FADS6: variants seen among roughly 807,000 people sequenced by gnomAD.
FADS6 encodes the protein fatty acid desaturase domain family, member 6.
Under a neutral mutation model 31.7 loss-of-function variants are expected in FADS6, and 28 were observed. That is an observed-to-expected ratio of 0.88 (90% confidence interval 0.66 to 1.21). The LOEUF (loss-of-function observed/expected upper bound fraction) is 1.21. FADS6 is among the 50% of genes most tolerant of loss of function. The pLI, the probability that FADS6 is intolerant of heterozygous loss-of-function variation, is 0.00. For missense variants in FADS6, 494 were observed against 504.2 expected, an observed-to-expected ratio of 0.98 and a Z score of 0.19; for synonymous variants, 191 against 213.1, an observed-to-expected ratio of 0.90 and a Z score of 0.90.
chr17:74,892,713 C>T, intron 1 of FADS6, 24 bp from the exon 2 acceptor site: 3 of 1,596,014 alleles, frequency 1.9e-6, no homozygotes, highest in East Asian at 2.3e-5. Flanking sequence ...AGGAAGAAGA[C>T]GGGTCTTTCT....
intron 2 of FADS6, 22 bp from the exon 3 acceptor site, chr17:74,882,732 G>T (rs1227182198): frequency 1.9e-6 from 3 of 1,599,472 alleles, no homozygotes; most frequent in South Asian, 2.3e-5. Flanking sequence ...AACCAGAAAT[G>T]ACACTGGGGT....
At chr17:74,883,475 G>A (rs886198035) in intron 2 of FADS6, among the ~76,000 whole-genome samples, 1 of 152,122 alleles carries the variant, frequency 6.6e-6, no homozygotes, top group African/African-American at 2.4e-5. Flanking sequence ...TTTCTGGAAC[G>A]ACGTGAAAAG....
downstream of FADS6, among the ~76,000 whole-genome samples, chr17:74,874,838 T>A (rs2038494445): frequency 6.6e-6 from 1 of 152,252 alleles, no homozygotes; most frequent in South Asian, 2.1e-4. Flanking sequence ...CTTCTTTACA[T>A]ATTGTCTATG....
chr17:74,892,490 C>T, intron 2 of FADS6, 33 bp downstream of exon 2: 3 of 1,596,838 alleles, frequency 1.9e-6, no homozygotes, highest in Non-Finnish European at 2.6e-6. Flanking sequence ...ACGGTCCCAG[C>T]AGCTGCCTGC....
At chr17:74,878,556 C>T in intron 5 of FADS6, 79 bp from the exon 6 acceptor site, 3 of 1,519,782 alleles carry the variant, frequency 2.0e-6, no homozygotes, top group Non-Finnish European at 2.7e-6. Flanking sequence ...GAGGGAGGGA[C>T]ATCATCTTCC....
At chr17:74,876,858 C>A (rs1371910722), downstream of FADS6, among the ~76,000 whole-genome samples, 1 of 151,978 alleles carries the variant, frequency 6.6e-6, no homozygotes, top group Non-Finnish European at 1.5e-5. Context: ...ATGGGTCTGG[C>A]CTCCTTCTCT....
chr17:74,888,553 C>G (rs949599819), intron 2 of FADS6, among the ~76,000 whole-genome samples: 1 of 152,116 alleles, frequency 6.6e-6, no homozygotes, highest in Admixed American at 6.5e-5. Context: ...GTTCCTGGCC[C>G]TGTTTCCACC....
rs115086456 is a variant in FADS6, at chr17:74,890,135, C to T, written c.411+2388G>A. On this transcript the variant is annotated intron_variant, in intron 2 of 5. Coordinates refer to ENST00000612771, the MANE Select transcript of FADS6 (RefSeq NM_178128.6). ...GTAACTTGCTCAAGGTCAGGGCAGCCAGTGGGGCTGGGAGTTCAACCATGG... is the reference window on the plus strand; with the variant it reads ...GTAACTTGCTCAAGGTCAGGGCAGCTAGTGGGGCTGGGAGTTCAACCATGG... 1.6e-3 allele frequency among the ~76,000 whole-genome samples: 245 copies of T among 152,276 alleles called. 3 individuals are homozygous for T. Among genetic ancestry groups the T allele is most frequent in the African/African-American group, 5.7e-3 (237 of 41,546 alleles).
rs1359379650 is a variant in FADS6, at chr17:74,880,703, C to A, written c.780+365G>T. On this transcript the variant is annotated intron_variant, in intron 4 of 5. Coordinates refer to ENST00000612771, the MANE Select transcript of FADS6 (RefSeq NM_178128.6). ...AATGATCCTCAGAGCAGGGGGTGGT[C>A]GGGAGGGGACCACTTACCACAACTG... Among the ~76,000 whole-genome samples the A allele has an allele frequency of 3.3e-5, 5 of 152,066 alleles. No homozygotes were observed. The East Asian group carries it at 9.7e-4, about 29-fold the overall frequency.
chr17:74,888,693 A>G (rs1005820945), intron 2 of FADS6, among the ~76,000 whole-genome samples: 1 of 152,224 alleles, frequency 6.6e-6, no homozygotes, highest in Admixed American at 6.5e-5. Context: ...GAGGATTTGA[A>G]GCGGAGACAC....
intron 2 of FADS6, among the ~76,000 whole-genome samples, chr17:74,883,166 G>A (rs1272870160): frequency 1.3e-5 from 2 of 152,234 alleles, no homozygotes; most frequent in African/African-American, 4.8e-5. Context: ...TGGTCTGAGA[G>A]AGCAGGGACA....
At chr17:74,888,184 T>C (rs1169020550) in intron 2 of FADS6, among the ~76,000 whole-genome samples, 5 of 149,236 alleles carry the variant, frequency 3.4e-5, no homozygotes, top group African/African-American at 9.8e-5. Flanking sequence ...AGAGTACCAA[T>C]GTCCGTTTCC....
intron 4 of FADS6, among the ~76,000 whole-genome samples, chr17:74,880,692 C>A (rs1266751968): frequency 2.6e-5 from 4 of 152,144 alleles, no homozygotes; most frequent in African/African-American, 9.7e-5. Context: ...ATCCTCAGAG[C>A]AGGGGGTGGT....
intron 2 of FADS6, 66 bp from the exon 3 acceptor site, chr17:74,882,776 T>C: frequency 6.4e-7 from 1 of 1,552,228 alleles, no homozygotes. Flanking sequence ...TGCAGGACCT[T>C]TGAGAGCCCG....
chr17:74,893,241 T>C lies in FADS6; in HGVS notation c.244+111A>G, dbSNP rs1598567259. 5 of 1,242,970 alleles carry C rather than the reference T, an allele frequency of 4.0e-6. No homozygotes were observed. In the African/African-American group the frequency reaches 6.4e-5, roughly 16 times the overall value. 77.0% of individuals were successfully genotyped at this position (1,242,970 alleles called of 1,614,324 possible). A position where few individuals can be genotyped will look rare whatever the true frequency, so the allele number is the denominator to read the frequency against. On this transcript the variant is annotated intron_variant, in intron 1 of 5. Coordinates refer to ENST00000612771, the MANE Select transcript of FADS6 (RefSeq NM_178128.6). Reference sequence around the variant, plus strand: ...CGCCTCCCTGCCGCCGCCAGTCCACTCCGCAGGCTGCACTCCCACGGCTGC... The same window carrying C: ...CGCCTCCCTGCCGCCGCCAGTCCACCCCGCAGGCTGCACTCCCACGGCTGC...
intron 3 of FADS6, among the ~76,000 whole-genome samples, chr17:74,881,660 G>A (rs924429943): frequency 6.7e-6 from 1 of 150,002 alleles, no homozygotes; most frequent in African/African-American, 2.4e-5. Flanking sequence ...TGGGACTACA[G>A]TTGTGTGCCA....
In FADS6 at chr17:74,878,099, A is replaced by G; in HGVS notation, c.*232T>C. 1 of 1,387,904 alleles carries G rather than the reference A, an allele frequency of 7.2e-7. No individual in the cohort carries two copies. The highest frequency in any genetic ancestry group is 9.3e-7 in the Non-Finnish European group (1 of 1,071,858). The allele number at this position is 1,387,904 out of a possible 1,614,324, so 86.0% of individuals were successfully genotyped here. A position where few individuals can be genotyped will look rare whatever the true frequency, so the allele number is the denominator to read the frequency against. On this transcript the variant is annotated 3_prime_UTR_variant, in exon 6 of 6. Transcript: ENST00000612771. ...GTTGCTGAGGTCCAGACTGACCAGA[A>G]TGCACAGCCACCATTACCGCTTCAC...
At chr17:74,881,329 A>C (rs2038566661) in intron 3 of FADS6, 74 bp from the exon 4 acceptor site, 1 of 1,423,698 alleles carries the variant, frequency 7.0e-7, no homozygotes, top group Admixed American at 2.4e-5. Context: ...AGCGTGCTAA[A>C]GCAGTGGCGG....
In FADS6 at chr17:74,877,667, G is replaced by A; in HGVS notation, c.*664C>T. 7.1e-6 allele frequency: 7 copies of A among 983,364 alleles called. No homozygotes were observed. Among genetic ancestry groups the A allele is most frequent in the Non-Finnish European group, 8.5e-6 (7 of 828,138 alleles). 60.9% of individuals were successfully genotyped at this position (983,364 alleles called of 1,614,324 possible). A position where few individuals can be genotyped will look rare whatever the true frequency, so the allele number is the denominator to read the frequency against. On this transcript the variant is annotated 3_prime_UTR_variant, in exon 6 of 6. Coordinates refer to ENST00000612771, the MANE Select transcript of FADS6 (RefSeq NM_178128.6). ...TACTCTTTCCCTAACTCTGTCCCTGGGGAACCTTCTCCCCTCACTTCCCCT... is the reference window on the plus strand; with the variant it reads ...TACTCTTTCCCTAACTCTGTCCCTGAGGAACCTTCTCCCCTCACTTCCCCT...
Sources: gnomAD v4.1 joint callset for allele counts (sites outside exome capture counted in the v4.1 genomes callset) on GRCh38, gnomAD v4.1.1 for gene constraint, MANE v1.5 for transcripts, NCBI Gene and HGNC (gene_info 2026-07-23, HGNC 2026-07-21) for gene names.